The following MGST3 variants were observed in gnomAD, a reference collection of about 807,000 sequenced individuals.
MGST3 encodes microsomal glutathione S-transferase 3.
A neutral mutation model predicts 15.8 loss-of-function variants in MGST3; 13 were observed. The observed-to-expected ratio is 0.82, with a 90% CI of 0.54 to 1.31. The LOEUF is 1.31. Among genes scored for constraint, MGST3 ranks in the 50% most tolerant of loss-of-function variants. MGST3 has a pLI of 0.00. For synonymous variants in MGST3, 49 were observed against 68.1 expected, an observed-to-expected ratio of 0.72 and a Z score of 1.38; for missense variants, 155 against 192.4, an observed-to-expected ratio of 0.81 and a Z score of 1.15.
rs2101723745 is a variant in MGST3 at position 165,651,060 on chromosome 1, AC to A, written c.165del (p.Cys56AlafsTer20). The A allele has an allele frequency of 3.1e-6, 5 of 1,614,212 alleles. No individual in the cohort carries two copies. The highest frequency in any genetic ancestry group is 4.2e-6 in the Non-Finnish European group (5 of 1,180,028). On this transcript the variant is annotated frameshift_variant, in exon 3 of 6. Coordinates refer to ENST00000367889, the MANE Select transcript of MGST3 (RefSeq NM_004528.4). LOFTEE classifies it high-confidence loss of function. ...STDPENGHIF[N>X]CIQRAHQNTL... ...GACCCTGAAAATGGGCACATCTTCA[AC>A]TGCATTCAGCGAGCCCACCAGAACA...
chr1:165,655,088 T>G (rs1169765201), intron 5 of MGST3, among the ~76,000 whole-genome samples: 3 of 152,210 alleles, frequency 2.0e-5, no homozygotes, highest in Admixed American at 6.5e-5. Context: ...TTAGCTGTAC[T>G]TCTTTGAAAC....
intron 3 of MGST3, chr1:165,651,329 A>G: frequency 1.8e-6 from 1 of 557,132 alleles, no homozygotes; most frequent in Admixed American, 2.9e-5. Context: ...TGGTTGCATT[A>G]CCTACTACAG....
intron 1 of MGST3, among the ~76,000 whole-genome samples, chr1:165,635,225 T>C (rs1470924370): frequency 6.6e-6 from 1 of 152,070 alleles, no homozygotes; most frequent in Non-Finnish European, 1.5e-5. Flanking sequence ...AGGTTAGGTA[T>C]CTCCCACAGA....
At chr1:165,640,766 C>T (rs1277692299) in intron 1 of MGST3, among the ~76,000 whole-genome samples, 1 of 152,196 alleles carries the variant, frequency 6.6e-6, no homozygotes, top group Non-Finnish European at 1.5e-5. Flanking sequence ...CGCTCTCTGT[C>T]CTCAAAGAGC....
At chr1:165,655,281 G>A in intron 5 of MGST3, 87 bp from the exon 6 acceptor site, 2 of 1,551,116 alleles carry the variant, frequency 1.3e-6, no homozygotes, top group Non-Finnish European at 8.8e-7. Flanking sequence ...TACAACCTCA[G>A]ATGCGATGAT....
rs759038746 is a variant in MGST3, at chr1:165,655,458, G to T, written c.413G>T (p.Gly138Val). The T allele has an allele frequency of 6.2e-7, 1 of 1,614,114 alleles. No homozygotes were observed. Among genetic ancestry groups the T allele is most frequent in the African/African-American group, 1.3e-5 (1 of 75,002 alleles). ...GTGTGCTCTGCTTTCCAGCATCTTGGTTGGGTTAAAAGTGGCTTGGGCAGT... is the reference window on the plus strand; with the variant it reads ...GTGTGCTCTGCTTTCCAGCATCTTGTTTGGGTTAAAAGTGGCTTGGGCAGT... Reference protein sequence around the residue: ...TTVCSAFQHLGWVKSGLGSGP... With the variant: ...TTVCSAFQHLVWVKSGLGSGP... Residue 138 changes from glycine to valine, a missense_variant, in exon 6 of 6, where the codon GGT becomes GTT. Transcript: ENST00000367889.
chr1:165,651,071 C>T lies in MGST3; in HGVS notation c.175C>T (p.Arg59Ter), dbSNP rs1344400013. Residue 59 changes from arginine to a stop codon, truncating the protein, a stop_gained, in exon 3 of 6, where the codon CGA becomes TGA. Coordinates refer to ENST00000367889, the MANE Select transcript of MGST3 (RefSeq NM_004528.4). LOFTEE classifies it high-confidence loss of function. ...TGGGCACATCTTCAACTGCATTCAG[C>T]GAGCCCACCAGAACACGTGAGTGTC... Reference protein sequence around the residue: ...ENGHIFNCIQRAHQNTLEVYP... With the variant: ...ENGHIFNCIQ 1.2e-6 allele frequency: 2 copies of T among 1,614,170 alleles called. No individual in the cohort carries two copies. Among genetic ancestry groups the T allele is most frequent in the South Asian group, 1.1e-5 (1 of 91,076 alleles).
intron 4 of MGST3, among the ~76,000 whole-genome samples, chr1:165,652,288 A>T (rs1222486499): frequency 6.6e-6 from 1 of 152,230 alleles, no homozygotes; most frequent in Non-Finnish European, 1.5e-5. Flanking sequence ...GAGTAGAAGG[A>T]TTAGAATTTG....
At position 165,651,028 on chromosome 1, in the gene MGST3, C is replaced by A; in HGVS notation, c.132C>A (p.Tyr44Ter). ...TGTTGTGACAGTATCCTATCATGTA[C>A]AGCACGGACCCTGAAAATGGGCACA... ...KKYKVEYPIMYSTDPENGHIF... is the reference protein window; with the variant it reads ...KKYKVEYPIM Residue 44 changes from tyrosine (Y) to a stop codon, truncating the protein, a stop_gained, in exon 3 of 6, where the codon TAC (tyrosine) becomes TAA (stop). Coordinates refer to ENST00000367889, the MANE Select transcript of MGST3 (RefSeq NM_004528.4). LOFTEE classifies it high-confidence loss of function. 1 of 1,614,176 alleles carries A rather than the reference C, an allele frequency of 6.2e-7. No homozygotes were observed. Among genetic ancestry groups the A allele is most frequent in the Non-Finnish European group, 8.5e-7 (1 of 1,179,984 alleles).
chr1:165,639,360 T>C (rs1173424151), intron 1 of MGST3, among the ~76,000 whole-genome samples: 1 of 152,240 alleles, frequency 6.6e-6, no homozygotes, highest in Non-Finnish European at 1.5e-5. Flanking sequence ...ACTCATCAGC[T>C]GTGGGACCTT....
intron 5 of MGST3, 150 bp from the exon 6 acceptor site, chr1:165,655,218 A>G (rs1648675279): frequency 1.1e-6 from 1 of 946,070 alleles, no homozygotes; most frequent in South Asian, 1.4e-5. Flanking sequence ...CTGACTTGCC[A>G]ACAGCTTCAG....
At chr1:165,648,940 T>C (rs569173830) in intron 1 of MGST3, 35 of 152,360 alleles carry the variant, frequency 2.3e-4, no homozygotes, top group Admixed American at 2.2e-3. Context: ...TTTGTTAGGA[T>C]GATTAGATAC....
chr1:165,649,924 C>G lies in MGST3; in HGVS notation c.77C>G (p.Ala26Gly), dbSNP rs1648507283. The change falls in exon 2 of 6, where the codon GCC (alanine) becomes GGC (glycine). Residue 26 changes from alanine (A) to glycine (G), a missense_variant. Coordinates refer to ENST00000367889, the MANE Select transcript of MGST3 (RefSeq NM_004528.4). ...AASFIMVAHL[A>G]INVSKARKKY... ...AGCTTTATAATGGTGGCCCACCTAG[C>G]CATCAATGTTTCCAAGGCCCGCAAG... 1 of 1,614,162 alleles carries G rather than the reference C, an allele frequency of 6.2e-7. No homozygotes were observed. Among genetic ancestry groups the G allele is most frequent in the East Asian group, 2.2e-5 (1 of 44,878 alleles).
At chr1:165,639,097 G>T (rs191042146) in intron 1 of MGST3, among the ~76,000 whole-genome samples, 27 of 152,166 alleles carry the variant, frequency 1.8e-4, no homozygotes, top group Admixed American at 1.6e-3. Context: ...GTATTCCAAC[G>T]ATCGTGGATC....
chr1:165,636,208 G>A (rs959751283), intron 1 of MGST3, among the ~76,000 whole-genome samples: 2 of 152,138 alleles, frequency 1.3e-5, no homozygotes, highest in Admixed American at 1.3e-4. Flanking sequence ...GTGTGTGGGT[G>A]TGTGTGTTGT....
chr1:165,645,898 AC>A (rs1648384528), intron 1 of MGST3: 1 of 152,192 alleles, frequency 6.6e-6, no homozygotes, highest in African/African-American at 2.4e-5. Context: ...CTACGATATA[AC>A]CAAGTGAATT....
In MGST3 at chr1:165,651,085, C is replaced by T. The variant is rs11538247; in HGVS notation, c.189C>T (p.Asn63=). The change falls in exon 3 of 6, where the codon AAC becomes AAT. Residue 63 remains asparagine (N), a splice_region_variant and synonymous_variant. Coordinates refer to ENST00000367889, the MANE Select transcript of MGST3 (RefSeq NM_004528.4). ...IFNCIQRAHQ[N]TLEVYPPFLF... is the part of the protein sequence containing the mutation. ...ACTGCATTCAGCGAGCCCACCAGAA[C>T]ACGTGAGTGTCGGCCCTGCCGGGCA... 4 of 1,614,002 alleles carry T rather than the reference C, an allele frequency of 2.5e-6. No homozygotes were observed. Among genetic ancestry groups the T allele is most frequent in the Non-Finnish European group, 3.4e-6 (4 of 1,179,942 alleles).
rs527320880 is a variant in MGST3 at position 165,642,598 on chromosome 1, C to T, written c.-7-7243C>T. Among the ~76,000 whole-genome samples, 15 of 152,260 alleles carry T rather than the reference C, an allele frequency of 9.9e-5. 1 individual carries two copies. The South Asian group carries it at 2.9e-3, about 29-fold the overall frequency. On this transcript the variant is annotated intron_variant, in intron 1 of 5. Coordinates refer to ENST00000367889, the MANE Select transcript of MGST3 (RefSeq NM_004528.4). ...GTTAACCAAACATTAGCATATGTAACGTAACATAATATATAACATTTACTG... is the reference window on the plus strand; with the variant it reads ...GTTAACCAAACATTAGCATATGTAATGTAACATAATATATAACATTTACTG...
At chr1:165,639,088 T>C (rs1380503678) in intron 1 of MGST3, among the ~76,000 whole-genome samples, 2 of 152,196 alleles carry the variant, frequency 1.3e-5, no homozygotes, top group Non-Finnish European at 2.9e-5. Context: ...CTATGTAAAG[T>C]ATTCCAACGA....
Sources: gnomAD v4.1 joint callset for allele counts (sites outside exome capture counted in the v4.1 genomes callset) on GRCh38, gnomAD v4.1.1 for gene constraint, MANE v1.5 for transcripts, NCBI Gene and HGNC (gene_info 2026-07-23, HGNC 2026-07-21) for gene names.